Variants in LDHC observed in about 807,000 individuals in gnomAD.
LDHC encodes lactate dehydrogenase C, also known as L-lactate dehydrogenase C chain.
In LDHC, 20 loss-of-function variants were observed where a neutral mutation model predicts 30.2. The observed-to-expected ratio is 0.66, with a 90% CI of 0.47 to 0.96. The LOEUF is 0.96. Ranked by LOEUF, LDHC falls within the 40% of genes least tolerant of loss-of-function variation. The probability of loss-of-function intolerance (pLI) is 0.00; values close to 1 mark genes in which losing one functional copy is unlikely to be tolerated. For missense variants in LDHC, 362 were observed against 394.9 expected (o/e 0.92, Z 0.71); for synonymous variants, 139 against 132.7 (o/e 1.05, Z -0.32).
chr11:18,445,148 C>T (rs1447589439), intron 6 of LDHC, among the ~76,000 whole-genome samples: 1 of 152,016 alleles, frequency 6.6e-6, no homozygotes, highest in Non-Finnish European at 1.5e-5. Context: ...GATATATACA[C>T]ACAGCTTACA....
chr11:18,437,751 CAAA>C (rs11308924), intron 5 of LDHC, among the ~76,000 whole-genome samples: 21,176 of 126,362 alleles, frequency 0.17, 1,833 homozygotes, highest in African/African-American at 0.25. Flanking sequence ...GACTCCCTCT[CAAA>C]AAAAAAAAAA....
At chr11:18,423,864 A>G (rs1848110865) in intron 3 of LDHC, among the ~76,000 whole-genome samples, 1 of 152,182 alleles carries the variant, frequency 6.6e-6, no homozygotes, top group Admixed American at 6.6e-5. Context: ...TGCACAGCTC[A>G]ATAGAAAAAT....
chr11:18,412,497 G>A lies in LDHC; in HGVS notation c.-10+89G>A, dbSNP rs1298578954. On this transcript the variant is annotated intron_variant, in intron 1 of 7. Transcript: ENST00000541669. Reference sequence around the variant, plus strand: ...TGGTGCTGGGGTGAAAGTGGTGGCTGGGGGCAGGGAGAAATCCAAAAGCCC... The same window carrying A: ...TGGTGCTGGGGTGAAAGTGGTGGCTAGGGGCAGGGAGAAATCCAAAAGCCC... 4 of 479,792 alleles carry A rather than the reference G, an allele frequency of 8.3e-6. No individual in the cohort carries two copies. In the East Asian group the frequency reaches 1.6e-4, roughly 19 times the overall value. The allele number at this position is 479,792 out of a possible 1,614,324, so 29.7% of individuals were successfully genotyped here. A position where few individuals can be genotyped will look rare whatever the true frequency, so the allele number is the denominator to read the frequency against.
Position 18,433,252 on chromosome 11 carries a change from C to T in LDHC, c.419-1488C>T, listed in dbSNP as rs529459299. Among the ~76,000 whole-genome samples the T allele has an allele frequency of 7.9e-5, 12 of 151,780 alleles. No homozygotes were observed. The South Asian group carries it at 1.7e-3, about 21-fold the overall frequency. On this transcript the variant is annotated intron_variant, in intron 4 of 7. Coordinates refer to ENST00000541669, the MANE Select transcript of LDHC (RefSeq NM_017448.5). ...AACACAAAAATTAGCTGGGCATGGT[C>T]GTGGGCACCTGTAGTCCCAGCTACT... is the stretch of plus-strand genomic sequence containing the variant.
At chr11:18,436,158 T>A (rs567249116) in intron 5 of LDHC, among the ~76,000 whole-genome samples, 2 of 152,330 alleles carry the variant, frequency 1.3e-5, no homozygotes, top group East Asian at 3.8e-4. Context: ...TTGACCCTGT[T>A]GGCTTGTGTT....
At chr11:18,415,090 A>G in intron 2 of LDHC, 94 bp from the exon 3 acceptor site, 1 of 649,418 alleles carries the variant, frequency 1.5e-6, no homozygotes, top group Admixed American at 2.7e-5. Flanking sequence ...AAAATATGAG[A>G]TTCCTTTAAT....
intron 6 of LDHC, among the ~76,000 whole-genome samples, chr11:18,444,678 G>T (rs899956711): frequency 2.2e-5 from 3 of 139,370 alleles, no homozygotes; most frequent in African/African-American, 7.6e-5. Flanking sequence ...AGTGTGTTAT[G>T]TGCATTCTTG....
chr11:18,451,240 C>A lies in LDHC; in HGVS notation c.*113C>A. On this transcript the variant is annotated 3_prime_UTR_variant, in exon 8 of 8. Coordinates refer to ENST00000541669, the MANE Select transcript of LDHC (RefSeq NM_017448.5). Reference sequence around the variant, plus strand: ...TTAAAAAATAAAAACAAATTGGAGACCTGTGACATAACTCTAGTCTCTCAA... The same window carrying A: ...TTAAAAAATAAAAACAAATTGGAGAACTGTGACATAACTCTAGTCTCTCAA... The A allele has an allele frequency of 4.7e-6, 3 of 643,610 alleles. No individual in the cohort carries two copies. The highest frequency in any genetic ancestry group is 4.1e-5 in the Admixed American group (1 of 24,314). 39.9% of individuals were successfully genotyped at this position (643,610 alleles called of 1,614,324 possible).
At chr11:18,440,050 C>T (rs1848436905) in intron 6 of LDHC, among the ~76,000 whole-genome samples, 1 of 149,458 alleles carries the variant, frequency 6.7e-6, no homozygotes, top group Non-Finnish European at 1.5e-5. Context: ...GCCTGTAATC[C>T]CAGCATTTTG....
At position 18,447,078 on chromosome 11, in the gene LDHC, G is replaced by T. The variant is rs149256392; in HGVS notation, c.834+745G>T. Among the ~76,000 whole-genome samples, 87 of 151,950 alleles carry T rather than the reference G, an allele frequency of 5.7e-4. No individual in the cohort carries two copies. In the East Asian group the frequency reaches 0.016, roughly 29 times the overall value. ...GCAGGAGTTAACAAAAAGAGAATGT[G>T]TACTGATGCATGTAGATTTGTATAT... On this transcript the variant is annotated intron_variant, in intron 7 of 7. Transcript: ENST00000541669.
At chr11:18,436,490 T>G (rs1451973974) in intron 5 of LDHC, among the ~76,000 whole-genome samples, 1 of 146,524 alleles carries the variant, frequency 6.8e-6, no homozygotes, top group Non-Finnish European at 1.5e-5. Flanking sequence ...AGTTTTTTTT[T>G]TTTTTTTTTT....
chr11:18,442,570 T>C (rs1038702449), intron 6 of LDHC, among the ~76,000 whole-genome samples: 1 of 152,194 alleles, frequency 6.6e-6, no homozygotes, highest in African/African-American at 2.4e-5. Context: ...AGACTGTTTT[T>C]TTCCCCCCTC....
intron 5 of LDHC, among the ~76,000 whole-genome samples, chr11:18,435,783 G>T (rs886723260): frequency 6.6e-6 from 1 of 151,968 alleles, no homozygotes; most frequent in Admixed American, 6.6e-5. Flanking sequence ...CCTAGCCCCA[G>T]GCAACCACTA....
At chr11:18,445,962 G>T (rs1236959667) in intron 6 of LDHC, among the ~76,000 whole-genome samples, 1 of 152,108 alleles carries the variant, frequency 6.6e-6, no homozygotes, top group Non-Finnish European at 1.5e-5. Flanking sequence ...GGGCAAGGAA[G>T]CAAGACCCTG....
At chr11:18,423,907 C>A (rs1848111506) in intron 3 of LDHC, among the ~76,000 whole-genome samples, 1 of 151,966 alleles carries the variant, frequency 6.6e-6, no homozygotes, top group Non-Finnish European at 1.5e-5. Flanking sequence ...CAAAAGAAGA[C>A]ACTCAAGTGG....
At chr11:18,425,781 TA>T (rs1186982254) in intron 3 of LDHC, among the ~76,000 whole-genome samples, 10 of 149,442 alleles carry the variant, frequency 6.7e-5, no homozygotes, top group South Asian at 4.2e-4. Flanking sequence ...CTACTAAAAA[TA>T]AAAAAAAATT....
At chr11:18,430,488 A>C (rs1359284828) in intron 4 of LDHC, among the ~76,000 whole-genome samples, 1 of 151,758 alleles carries the variant, frequency 6.6e-6, no homozygotes, top group Non-Finnish European at 1.5e-5. Context: ...CAGGCTCCCC[A>C]GTAGCTGGGA....
At chr11:18,449,723 C>G (rs1051256027) in intron 7 of LDHC, among the ~76,000 whole-genome samples, 4 of 152,102 alleles carry the variant, frequency 2.6e-5, no homozygotes, top group Non-Finnish European at 5.9e-5. Context: ...GAGAATCCCT[C>G]TGTGGGGAGA....
At chr11:18,441,134 AAAC>A (rs1848457499) in intron 6 of LDHC, among the ~76,000 whole-genome samples, 1 of 151,786 alleles carries the variant, frequency 6.6e-6, no homozygotes, top group Non-Finnish European at 1.5e-5. Flanking sequence ...CTTAAAAAAA[AAAC>A]AAAAAACAAC....
Sources: allele counts gnomAD v4.1 joint callset (sites outside exome capture counted in the v4.1 genomes callset), GRCh38; gene constraint gnomAD v4.1.1; transcripts MANE v1.5; gene names NCBI Gene and HGNC (gene_info 2026-07-23, HGNC 2026-07-21).